Variants in DSCAM observed in about 807,000 individuals in gnomAD.
The protein encoded by DSCAM is DS cell adhesion molecule, also known as cell adhesion molecule DSCAM.
In DSCAM, 47 loss-of-function variants were observed where a neutral mutation model predicts 217.7. The observed-to-expected ratio is 0.22, with a 90% CI of 0.17 to 0.28. The LOEUF (loss-of-function observed/expected upper bound fraction) is 0.28, where lower values mean the gene tolerates loss of function less well. Ranked by LOEUF, DSCAM falls within the 10% of genes least tolerant of loss-of-function variation. The pLI, the probability that DSCAM is intolerant of heterozygous loss-of-function variation, is 1.00. For synonymous variants in DSCAM, 1,056 were observed against 1,015.3 expected, an observed-to-expected ratio of 1.04 and a Z score of -0.76; for missense variants, 2,080 against 2,618.3, an observed-to-expected ratio of 0.79 and a Z score of 4.49.
Position 40,350,116 on chromosome 21 carries a change from C to T in DSCAM, c.935-2171G>A, listed in dbSNP as rs1337508567. On this transcript the variant is annotated intron_variant, in intron 5 of 32. Transcript: ENST00000400454. Reference sequence around the variant, plus strand: ...TGCGCTGAACCTACAGGTTTGTTTACACCTTATACGAAAATTAACTCAAGA... The same window carrying T: ...TGCGCTGAACCTACAGGTTTGTTTATACCTTATACGAAAATTAACTCAAGA... Among the ~76,000 whole-genome samples the T allele has an allele frequency of 2.0e-5, 3 of 152,022 alleles. No individual in the cohort carries two copies. The East Asian group carries it at 5.8e-4, about 29-fold the overall frequency.
At chr21:40,397,174 A>G (rs1484667428) in intron 3 of DSCAM, among the ~76,000 whole-genome samples, 3 of 152,146 alleles carry the variant, frequency 2.0e-5, no homozygotes, top group Non-Finnish European at 4.4e-5. Flanking sequence ...TTCACTGGCA[A>G]TAATCATTGT....
chr21:40,426,884 T>C (rs1601634265), intron 3 of DSCAM, among the ~76,000 whole-genome samples: 1 of 152,280 alleles, frequency 6.6e-6, no homozygotes, highest in Non-Finnish European at 1.5e-5. Flanking sequence ...ACATTTGCTC[T>C]TTCTTCATTG....
At chr21:40,259,140 C>A (rs2073413185) in intron 11 of DSCAM, among the ~76,000 whole-genome samples, 1 of 152,176 alleles carries the variant, frequency 6.6e-6, no homozygotes, top group African/African-American at 2.4e-5. Flanking sequence ...ATTTCATTTT[C>A]TTAAAAGAGA....
intron 10 of DSCAM, among the ~76,000 whole-genome samples, chr21:40,288,062 A>G (rs140177590): frequency 4.1e-4 from 63 of 152,286 alleles, no homozygotes; most frequent in African/African-American, 1.4e-3. Context: ...ACTCCTCTAA[A>G]TTAAGAACAG....
At chr21:40,162,613 G>C (rs1412162431) in intron 16 of DSCAM, among the ~76,000 whole-genome samples, 1 of 152,200 alleles carries the variant, frequency 6.6e-6, no homozygotes, top group Non-Finnish European at 1.5e-5. Flanking sequence ...ATTGGGTATA[G>C]TGGAGATGTG....
At chr21:40,727,221 C>A (rs951059656) in intron 1 of DSCAM, among the ~76,000 whole-genome samples, 1 of 152,134 alleles carries the variant, frequency 6.6e-6, no homozygotes. Flanking sequence ...GTCTCAAACA[C>A]GCAAGACTTT....
intron 1 of DSCAM, among the ~76,000 whole-genome samples, chr21:40,798,033 T>C (rs970320016): frequency 2.0e-5 from 3 of 152,116 alleles, no homozygotes; most frequent in South Asian, 2.1e-4. Context: ...TTACAGAAGA[T>C]AGTAATACTA....
rs981936902 is a variant in DSCAM at position 40,670,801 on chromosome 21, G to A, written c.508+22009C>T. Among the ~76,000 whole-genome samples the A allele has an allele frequency of 2.9e-4, 44 of 152,134 alleles. 1 individual carries two copies. Among genetic ancestry groups the A allele is most frequent in the African/African-American group, 9.7e-4 (40 of 41,426 alleles). ...AAAAAATGCTGCTATGAACATGGGT[G>A]TACAAACATTTCCCCAATAATTCAT... On this transcript the variant is annotated intron_variant, in intron 3 of 32. Coordinates refer to ENST00000400454, the MANE Select transcript of DSCAM (RefSeq NM_001389.5).
At chr21:40,405,174 G>A (rs575056998) in intron 3 of DSCAM, among the ~76,000 whole-genome samples, 38 of 152,294 alleles carry the variant, frequency 2.5e-4, no homozygotes, top group African/African-American at 8.4e-4. Context: ...TTCATACTGA[G>A]TGATGCTTAT....
rs764317644 is a variant in DSCAM at position 40,013,404 on chromosome 21, GTAGT to G, written c.5687-22_5687-19del. On this transcript the variant is annotated intron_variant, in intron 32 of 32. Coordinates refer to ENST00000400454, the MANE Select transcript of DSCAM (RefSeq NM_001389.5). ...GAGGTCACCTAGAAGGAAAGACAGG[GTAGT>G]TAGTTGGTGTCTTCATTTGGTAAAC... 2.7e-6 allele frequency: 4 copies of G among 1,499,516 alleles called. No homozygotes were observed. The highest frequency in any genetic ancestry group is 3.6e-6 in the Non-Finnish European group (4 of 1,120,540). 92.9% of individuals were successfully genotyped at this position (1,499,516 alleles called of 1,614,324 possible).
At chr21:40,330,276 T>C (rs1194995202) in intron 8 of DSCAM, among the ~76,000 whole-genome samples, 3 of 147,584 alleles carry the variant, frequency 2.0e-5, no homozygotes, top group Non-Finnish European at 3.0e-5. Context: ...TATCAAAATA[T>C]ATTTATTATA....
At chr21:40,231,401 G>A (rs955181325) in intron 11 of DSCAM, among the ~76,000 whole-genome samples, 3 of 152,042 alleles carry the variant, frequency 2.0e-5, no homozygotes, top group African/African-American at 4.8e-5. Flanking sequence ...GTTGTATCTC[G>A]CTGTGACACC....
intron 2 of DSCAM, 76 bp from the exon 3 acceptor site, chr21:40,693,032 T>C (rs62223014): frequency 0.024 from 36,507 of 1,506,832 alleles, 909 homozygotes; most frequent in African/African-American, 0.13. Flanking sequence ...CTGTAATATA[T>C]ACACTGCAGC....
At chr21:40,781,430 TAC>T (rs1223643631) in intron 1 of DSCAM, among the ~76,000 whole-genome samples, 1 of 152,226 alleles carries the variant, frequency 6.6e-6, no homozygotes, top group African/African-American at 2.4e-5. Flanking sequence ...CCAATGTACA[TAC>T]AATTGACTCT....
intron 3 of DSCAM, among the ~76,000 whole-genome samples, chr21:40,554,171 G>A (rs1460413560): frequency 6.6e-6 from 1 of 150,978 alleles, no homozygotes; most frequent in African/African-American, 2.4e-5. Context: ...GCATCACCAT[G>A]CCTGGCTGTT....
Position 40,616,482 on chromosome 21 carries a change from C to T in DSCAM, c.508+76328G>A, listed in dbSNP as rs2089395623. Among the ~76,000 whole-genome samples the T allele has an allele frequency of 2.6e-5, 4 of 152,304 alleles. No individual in the cohort carries two copies. In the South Asian group the frequency reaches 8.3e-4, roughly 32 times the overall value. On this transcript the variant is annotated intron_variant, in intron 3 of 32. Transcript: ENST00000400454. ...GATAAAAGCTCTAGCCTCTGAGACCCAAGCTGCCCTCCCTGGGCTTAGACA... is the reference window on the plus strand; with the variant it reads ...GATAAAAGCTCTAGCCTCTGAGACCTAAGCTGCCCTCCCTGGGCTTAGACA...
At chr21:40,393,836 C>T (rs2075155374) in intron 3 of DSCAM, among the ~76,000 whole-genome samples, 1 of 152,240 alleles carries the variant, frequency 6.6e-6, no homozygotes, top group African/African-American at 2.4e-5. Flanking sequence ...TTATGAGTGG[C>T]TACCTGTCAT....
At chr21:40,039,832 G>C (rs764784831) in intron 32 of DSCAM, among the ~76,000 whole-genome samples, 1 of 151,962 alleles carries the variant, frequency 6.6e-6, no homozygotes, top group Non-Finnish European at 1.5e-5. Flanking sequence ...AAAATAAAAA[G>C]GGAAAGAGAA....
At chr21:40,620,240 G>A (rs867636815) in intron 3 of DSCAM, among the ~76,000 whole-genome samples, 10 of 112,496 alleles carry the variant, frequency 8.9e-5, no homozygotes, top group African/African-American at 3.8e-4. Flanking sequence ...GAAAGAAAGA[G>A]AGAGAAAGAG....
Sources: allele counts gnomAD v4.1 joint callset (sites outside exome capture counted in the v4.1 genomes callset), GRCh38; gene constraint gnomAD v4.1.1; transcripts MANE v1.5; gene names NCBI Gene and HGNC (gene_info 2026-07-23, HGNC 2026-07-21).